The following FLT4 variants were observed in gnomAD, a reference collection of about 807,000 sequenced individuals.
FLT4 encodes the protein vascular endothelial growth factor receptor 3.
Under a neutral mutation model 163.2 loss-of-function variants are expected in FLT4, and 30 were observed. The observed-to-expected ratio is 0.18, with a 90% confidence interval of 0.14 to 0.25. FLT4 has a LOEUF of 0.25. Among genes scored for constraint, FLT4 ranks in the 10% least tolerant of loss-of-function variants. The probability of loss-of-function intolerance (pLI) is 1.00; values close to 1 mark genes in which losing one functional copy is unlikely to be tolerated. For synonymous variants in FLT4, 884 were observed against 789.5 expected, an observed-to-expected ratio of 1.12 and a Z score of -2.01; for missense variants, 1,510 against 1,863.8, an observed-to-expected ratio of 0.81 and a Z score of 3.50.
Position 180,618,687 on chromosome 5 carries a change from A to AG in FLT4, c.3001+82dup. ...CACTCTCCCATGAAAGCCCCCGCTG[A>AG]GGACCCCAGGCTGGGGTGCCTGATC... On this transcript the variant is annotated intron_variant, in intron 21 of 29. Transcript: ENST00000261937. The AG allele has an allele frequency of 7.7e-6, 5 of 645,368 alleles. No individual in the cohort carries two copies. In the South Asian group the frequency reaches 1.2e-4, roughly 16 times the overall value. The allele number at this position is 645,368 out of a possible 1,614,324, so 40.0% of individuals were successfully genotyped here.
intron 13 of FLT4, 38 bp from the exon 14 acceptor site, chr5:180,621,290 C>T (rs1234454916): frequency 6.3e-7 from 1 of 1,596,070 alleles, no homozygotes; most frequent in South Asian, 1.1e-5. Context: ...AGTGGAGCTG[C>T]ACTTAGCAGG....
rs897684060 is a variant in FLT4, at chr5:180,613,342, C to T, written c.3332-232G>A. On this transcript the variant is annotated intron_variant, in intron 24 of 29. Transcript: ENST00000261937. Reference sequence around the variant, plus strand: ...GGTTAAAAGAGGACTGTGCCGCCTGCTTGCTAGGGGTGCCAAGAGCATCCA... The same window carrying T: ...GGTTAAAAGAGGACTGTGCCGCCTGTTTGCTAGGGGTGCCAAGAGCATCCA... 21 of 481,732 alleles carry T rather than the reference C, an allele frequency of 4.4e-5. No homozygotes were observed. In the Admixed American group the frequency reaches 7.4e-4, roughly 17 times the overall value. 29.8% of individuals were successfully genotyped at this position (481,732 alleles called of 1,614,324 possible). A position where few individuals can be genotyped will look rare whatever the true frequency, so the allele number is the denominator to read the frequency against.
intron 12 of FLT4, among the ~76,000 whole-genome samples, chr5:180,622,347 C>G (rs1347183268): frequency 1.3e-5 from 2 of 151,130 alleles, no homozygotes; most frequent in Non-Finnish European, 2.9e-5. Flanking sequence ...CTCCTGGGCT[C>G]CGCTCTCCTG....
intron 1 of FLT4, among the ~76,000 whole-genome samples, chr5:180,633,375 T>G (rs1474297336): frequency 2.0e-5 from 3 of 152,154 alleles, no homozygotes; most frequent in African/African-American, 7.2e-5. Context: ...GCGCCTCGCC[T>G]GTCTGCTGCT....
Position 180,624,080 on chromosome 5 carries a change from G to A in FLT4, c.1422-19C>T, listed in dbSNP as rs773327524. The A allele has an allele frequency of 1.9e-6, 3 of 1,609,838 alleles. No homozygotes were observed. The highest frequency in any genetic ancestry group is 1.7e-6 in the Non-Finnish European group (2 of 1,179,866). On this transcript the variant is annotated intron_variant, in intron 10 of 29. Coordinates refer to ENST00000261937, the MANE Select transcript of FLT4 (RefSeq NM_182925.5). ...CCGCCGGCTGCCAGGACCAGAAGAG[G>A]CAAGGGCAGGTCAGGGATACAGGCA...
At chr5:180,611,716 G>A in intron 26 of FLT4, 1 of 593,634 alleles carries the variant, frequency 1.7e-6, no homozygotes, top group African/African-American at 1.9e-5. Flanking sequence ...GGGCACGTGA[G>A]TGCTCCACAG....
rs775611173 is a variant in FLT4, at chr5:180,620,711, G to C, written c.2304C>G (p.Ser768=). The stretch of plus-strand genomic sequence containing the variant: ...CGATCTCCATGCTGCCCTTATCCTC[G>C]GAGCCTGCGTGGGCAGAAAGGGGCC... The part of the protein sequence containing the change: ...NSSASVAVEG[S]EDKGSMEIVI... The change falls in exon 16 of 30, where the codon TCC becomes TCG. Residue 768 remains serine (S), a synonymous_variant. Coordinates refer to ENST00000261937, the MANE Select transcript of FLT4 (RefSeq NM_182925.5). The surrounding 1 kb of genome is among the most constrained non-coding windows in gnomAD (Gnocchi z 4.4). 26 of 1,613,036 alleles carry C rather than the reference G, an allele frequency of 1.6e-5. No individual in the cohort carries two copies. Among genetic ancestry groups the C allele is most frequent in the Middle Eastern group, 3.3e-4 (2 of 6,084 alleles).
At chr5:180,625,702 G>T (rs902927039) in intron 10 of FLT4, among the ~76,000 whole-genome samples, 167 bp downstream of exon 10, 2 of 152,226 alleles carry the variant, frequency 1.3e-5, no homozygotes, top group African/African-American at 4.8e-5. Flanking sequence ...GGCGAGGTGA[G>T]GCCAGGGATT....
intron 1 of FLT4, among the ~76,000 whole-genome samples, chr5:180,645,569 G>A (rs578070016): frequency 6.6e-6 from 1 of 152,150 alleles, no homozygotes; most frequent in Non-Finnish European, 1.5e-5. Context: ...TGCTGACCTC[G>A]CCGGCCACGT....
chr5:180,626,155 G>A lies in FLT4; in HGVS notation c.1214C>T (p.Ala405Val). Residue 405 changes from alanine to valine, a missense_variant, in exon 9 of 30, where the codon GCT becomes GTT. By Grantham distance (64) the Ala-to-Val change is moderately conservative. Around this residue, in one of 5 missense-constraint regions of FLT4, gnomAD observed 878 missense variants for 1,016.7 expected, o/e 0.86. Coordinates refer to ENST00000261937, the MANE Select transcript of FLT4 (RefSeq NM_182925.5). ...GCTGATGTTGCGCCTCAGGCCAGCAGCGGAGTTCCACAGGGCGAGGGTGTA... is the reference window on the plus strand; with the variant it reads ...GCTGATGTTGCGCCTCAGGCCAGCAACGGAGTTCCACAGGGCGAGGGTGTA... ...GTYTLALWNS[A>V]AGLRRNISLE... 6.2e-7 allele frequency: 1 copy of A among 1,612,894 alleles called. No individual in the cohort carries two copies. The highest frequency in any genetic ancestry group is 8.5e-7 in the Non-Finnish European group (1 of 1,180,024).
rs374628416 is a variant in FLT4 at position 180,626,086 on chromosome 5, G to A, written c.1258+25C>T. 356 of 1,612,716 alleles carry A rather than the reference G, an allele frequency of 2.2e-4. 3 individuals are homozygous for A. In the African/African-American group the frequency reaches 3.9e-3, roughly 18 times the overall value. On this transcript the variant is annotated intron_variant, in intron 9 of 29. Coordinates refer to ENST00000261937, the MANE Select transcript of FLT4 (RefSeq NM_182925.5). ...GCCTCCAATGCCAGGCCGCCCACCC[G>A]TGCGCTCTCCCGTCCCTGACCTACC...
chr5:180,613,419 G>C (rs1195796548), intron 24 of FLT4: 9 of 359,512 alleles, frequency 2.5e-5, no homozygotes, highest in Non-Finnish European at 3.5e-5. Context: ...AGCGGCGGGG[G>C]AGCCGCCTGC....
chr5:180,618,754 G>A lies in FLT4; in HGVS notation c.3001+16C>T, dbSNP rs374709698. On this transcript the variant is annotated intron_variant, in intron 21 of 29. Coordinates refer to ENST00000261937, the MANE Select transcript of FLT4 (RefSeq NM_182925.5). ...CCCGTCAGGCACTAGGAAAAGGGAA[G>A]AGGCCAGGCTCTCACCTTCTTGGTC... 4 of 1,581,934 alleles carry A rather than the reference G, an allele frequency of 2.5e-6. No individual in the cohort carries two copies. The highest frequency in any genetic ancestry group is 2.6e-6 in the Non-Finnish European group (3 of 1,164,706).
intron 11 of FLT4, 93 bp from the exon 12 acceptor site, chr5:180,622,932 C>CA (rs1028286698): frequency 2.3e-5 from 18 of 792,438 alleles, no homozygotes; most frequent in African/African-American, 1.9e-4. Context: ...TGCACCACCC[C>CA]CCCCAATCAT....
chr5:180,620,346 T>C lies in FLT4; in HGVS notation c.2407-38A>G, dbSNP rs755894535. On this transcript the variant is annotated intron_variant, in intron 16 of 29. Transcript: ENST00000261937. This position sits in a 1 kb window ranked among gnomAD's most constrained non-coding sequence, Gnocchi z 4.4. ...GACAGGGAGGAGTGGGGCAGCTCAC[T>C]GATTTGGCCATACCACTGTGGCTTG... 2 of 1,606,980 alleles carry C rather than the reference T, an allele frequency of 1.2e-6. No homozygotes were observed.
rs751949687 is a variant in FLT4, at chr5:180,614,176, G to A, written c.3223C>T (p.Arg1075Trp). The A allele has an allele frequency of 1.2e-6, 2 of 1,610,174 alleles. No homozygotes were observed. Among genetic ancestry groups the A allele is most frequent in the Admixed American group, 1.7e-5 (1 of 60,002 alleles). The change falls in exon 24 of 30, where the codon CGG becomes TGG. Residue 1075 changes from arginine (R) to tryptophan (W), a missense_variant. Physicochemically the swap from Arg to Trp is moderately radical, Grantham distance 101. Around this residue, in one of 5 missense-constraint regions of FLT4, gnomAD observed 878 missense variants for 1,016.7 expected, o/e 0.86. Transcript: ENST00000261937. ...GGGGCCATCCACTTCAGGGGCAGCC[G>A]GGCCTGGGGAGACAGAGGGAAGCTT... The part of the protein sequence containing the change: ...DPDYVRKGSA[R>W]LPLKWMAPES...
chr5:180,649,477 G>A lies in FLT4; in HGVS notation c.58+11C>T. 6.9e-7 allele frequency: 1 copy of A among 1,457,096 alleles called. No homozygotes were observed. Among genetic ancestry groups the A allele is most frequent in the Admixed American group, 2.4e-5 (1 of 42,338 alleles). 90.3% of individuals were successfully genotyped at this position (1,457,096 alleles called of 1,614,324 possible). On this transcript the variant is annotated intron_variant, in intron 1 of 29. Transcript: ENST00000261937. ...CCACGCTCGGGCGGGTGGCCCGTTC[G>A]CCGCGCTCACCGTCCAGGAGTCCCA... is the stretch of plus-strand genomic sequence containing the variant.
intron 1 of FLT4, among the ~76,000 whole-genome samples, chr5:180,632,261 T>C (rs1764237936): frequency 6.6e-6 from 1 of 151,622 alleles, no homozygotes; most frequent in Non-Finnish European, 1.5e-5. Flanking sequence ...TCCTGCCTGC[T>C]CTCTGCCAGG....
intron 1 of FLT4, among the ~76,000 whole-genome samples, chr5:180,644,378 G>A (rs1765363404): frequency 6.6e-6 from 1 of 152,220 alleles, no homozygotes; most frequent in Non-Finnish European, 1.5e-5. Flanking sequence ...ATGCTGCTTT[G>A]TAAAGGTCTC....
Sources: gnomAD v4.1 joint callset for allele counts (sites outside exome capture counted in the v4.1 genomes callset) on GRCh38, gnomAD v4.1.1 for gene constraint, gnomAD v4.1.1 regional missense constraint, Gnocchi (gnomAD v3.1) non-coding constraint, MANE v1.5 for transcripts, NCBI Gene and HGNC (gene_info 2026-07-23, HGNC 2026-07-21) for gene names.